AFF2: variants seen among roughly 807,000 people sequenced by gnomAD.
AFF2 encodes the protein ALF transcription elongation factor 2, also known as AF4/FMR2 family member 2.
In AFF2, 14 loss-of-function variants were observed where a neutral mutation model predicts 76.9. The observed-to-expected ratio is 0.18, with a 90% confidence interval of 0.12 to 0.28. The LOEUF (loss-of-function observed/expected upper bound fraction) is 0.28, where lower values mean the gene tolerates loss of function less well. Among genes scored for constraint, AFF2 ranks in the 10% least tolerant of loss-of-function variants. AFF2 has a pLI of 1.00. For missense variants in AFF2, 868 were observed against 1,001.1 expected, an observed-to-expected ratio of 0.87 and a Z score of 1.79; for synonymous variants, 398 against 366.7, an observed-to-expected ratio of 1.09 and a Z score of -0.98.
At chrX:148,724,749 C>A (rs1049966849) in intron 3 of AFF2, among the ~76,000 whole-genome samples, 4 of 112,221 alleles carry the variant, frequency 3.6e-5, no homozygotes, top group East Asian at 2.8e-4. Flanking sequence ...ACTTTCATGT[C>A]ATATAGTTAG....
At chrX:148,509,760 A>G (rs1224741579) in intron 1 of AFF2, among the ~76,000 whole-genome samples, 1 of 112,229 alleles carries the variant, frequency 8.9e-6, no homozygotes, top group African/African-American at 3.2e-5. Flanking sequence ...ACATTTTACC[A>G]TTAGAATTTC....
chrX:148,800,861 C>CA (rs1557270858), intron 3 of AFF2, among the ~76,000 whole-genome samples: 1 of 112,188 alleles, frequency 8.9e-6, no homozygotes, highest in African/African-American at 3.2e-5. Flanking sequence ...TGCTTGAATA[C>CA]AAAATATTTC....
At chrX:148,644,013 G>T (rs2054116209) in intron 1 of AFF2, among the ~76,000 whole-genome samples, 1 of 111,392 alleles carries the variant, frequency 9.0e-6, no homozygotes, top group African/African-American at 3.3e-5. Context: ...TATAAAAGTG[G>T]CATTTCCATT....
chrX:148,829,634 A>T (rs1255718015), intron 4 of AFF2, among the ~76,000 whole-genome samples: 1 of 112,007 alleles, frequency 8.9e-6, no homozygotes, highest in Non-Finnish European at 1.9e-5. Flanking sequence ...GCATCTTCTC[A>T]TATATATCTT....
chrX:148,607,421 C>G (rs966489794), intron 1 of AFF2, among the ~76,000 whole-genome samples: 2 of 110,774 alleles, frequency 1.8e-5, no homozygotes, highest in Non-Finnish European at 3.8e-5. Flanking sequence ...CTTACAAGAT[C>G]TCATGGTTTT....
chrX:148,553,946 C>G (rs1290108977), intron 1 of AFF2, among the ~76,000 whole-genome samples: 1 of 111,067 alleles, frequency 9.0e-6, no homozygotes, highest in Non-Finnish European at 1.9e-5. Context: ...AGGAAGCTTC[C>G]TCAGGTTAGA....
At chrX:148,883,562 T>C (rs1315276850) in intron 7 of AFF2, among the ~76,000 whole-genome samples, 1 of 111,732 alleles carries the variant, frequency 8.9e-6, no homozygotes, top group Non-Finnish European at 1.9e-5. Flanking sequence ...TAGCCAGCAA[T>C]TGAGTCCCAG....
At chrX:148,965,137 T>C (rs1243305984) in intron 13 of AFF2, among the ~76,000 whole-genome samples, 1 of 111,244 alleles carries the variant, frequency 9.0e-6, no homozygotes. Context: ...AGACAGCAGA[T>C]TGAGGGTGGA....
intron 5 of AFF2, among the ~76,000 whole-genome samples, chrX:148,840,319 A>G (rs1299897981): frequency 8.9e-6 from 1 of 112,129 alleles, no homozygotes; most frequent in African/African-American, 3.2e-5. Flanking sequence ...TTCAAATGTC[A>G]GTGTCTATAA....
At chrX:148,732,318 G>T (rs241097) in intron 3 of AFF2, among the ~76,000 whole-genome samples, 2 of 98,235 alleles carry the variant, frequency 2.0e-5, no homozygotes, top group African/African-American at 3.8e-5. Context: ...GTAAACTATC[G>T]CAAGAACAAA....
chrX:148,670,028 A>G (rs1180461195), intron 3 of AFF2, among the ~76,000 whole-genome samples: 2 of 111,610 alleles, frequency 1.8e-5, no homozygotes, highest in Non-Finnish European at 3.8e-5. Flanking sequence ...CACTGGTCTC[A>G]TTGGTATTCA....
chrX:148,991,574 T>G lies in AFF2; in HGVS notation c.*242T>G. The G allele has an allele frequency of 4.1e-6, 1 of 245,983 alleles. No homozygotes were observed. The highest frequency in any genetic ancestry group is 7.1e-5 in the East Asian group (1 of 14,106). 20.3% of individuals were successfully genotyped at this position (245,983 alleles called of 1,213,427 possible). A position where few individuals can be genotyped will look rare whatever the true frequency, so the allele number is the denominator to read the frequency against. ...TAGCATTTGATATGCATTTCTCAGA[T>G]TCCACCATCTTTTTGTGCTTTATGG... On this transcript the variant is annotated 3_prime_UTR_variant, in exon 21 of 21. Coordinates refer to ENST00000370460, the MANE Select transcript of AFF2 (RefSeq NM_002025.4).
chrX:148,611,463 C>T (rs901034150), intron 1 of AFF2, among the ~76,000 whole-genome samples: 7 of 112,004 alleles, frequency 6.2e-5, no homozygotes, highest in Non-Finnish European at 9.4e-5. Flanking sequence ...AATTTATTTT[C>T]CCACAGTCCT....
Position 148,753,610 on chromosome X carries a change from A to G in AFF2, c.1042-56266A>G, listed in dbSNP as rs1244258097. On this transcript the variant is annotated intron_variant, in intron 3 of 20. Transcript: ENST00000370460. ...TTCGGTTTGTAAAACATTAATATTG[A>G]ATCTTTTGGGGGAAGACAGTGATGT... 2.7e-5 allele frequency among the ~76,000 whole-genome samples: 3 copies of G among 111,792 alleles called. No individual in the cohort carries two copies. The East Asian group carries it at 8.4e-4, about 31-fold the overall frequency.
At chrX:148,721,115 A>G (rs1248534883) in intron 3 of AFF2, among the ~76,000 whole-genome samples, 1 of 112,045 alleles carries the variant, frequency 8.9e-6, no homozygotes, top group Non-Finnish European at 1.9e-5. Context: ...TAAAGAATCC[A>G]CTTGGTGGAG....
chrX:148,968,125 A>G (rs1426742389), intron 15 of AFF2, among the ~76,000 whole-genome samples: 1 of 110,529 alleles, frequency 9.0e-6, no homozygotes, highest in Non-Finnish European at 1.9e-5. Flanking sequence ...CTGAGGAAAA[A>G]CTCAGCTCCT....
intron 9 of AFF2, among the ~76,000 whole-genome samples, chrX:148,913,758 A>AGACAAGAATG (rs2071496959): frequency 8.9e-6 from 1 of 112,403 alleles, no homozygotes; most frequent in Non-Finnish European, 1.9e-5. Flanking sequence ...TTTGCTGTTT[A>AGACAAGAATG]GACAAGAATG....
intron 1 of AFF2, among the ~76,000 whole-genome samples, chrX:148,526,899 C>A (rs150411614): frequency 9.0e-6 from 1 of 111,703 alleles, no homozygotes; most frequent in African/African-American, 3.3e-5. Flanking sequence ...CCACAATATA[C>A]TTAGTTATTT....
At chrX:148,941,821 A>G (rs1373415888) in intron 9 of AFF2, among the ~76,000 whole-genome samples, 3 of 110,874 alleles carry the variant, frequency 2.7e-5, no homozygotes, top group Non-Finnish European at 3.8e-5. Flanking sequence ...TTTGTGTTCC[A>G]TAGGCTGGCC....
Sources: gnomAD v4.1 joint callset for allele counts (sites outside exome capture counted in the v4.1 genomes callset) on GRCh38, gnomAD v4.1.1 for gene constraint, MANE v1.5 for transcripts, NCBI Gene and HGNC (gene_info 2026-07-23, HGNC 2026-07-21) for gene names.